The following FGF10 variants were observed in gnomAD, a reference collection of about 807,000 sequenced individuals.
FGF10 encodes fibroblast growth factor 10, also known as FGF-10.
In FGF10, 2 loss-of-function variants were observed where a neutral mutation model predicts 19.8. The observed-to-expected ratio is 0.10, with a 90% CI of 0.04 to 0.32. The LOEUF (loss-of-function observed/expected upper bound fraction) is 0.32. Ranked by LOEUF, FGF10 falls within the 10% of genes least tolerant of loss-of-function variation. FGF10 has a pLI of 1.00. For missense variants in FGF10, 191 were observed against 246.3 expected (o/e 0.78, Z 1.50); for synonymous variants, 112 against 94.0 (o/e 1.19, Z -1.10).
intron 1 of FGF10, among the ~76,000 whole-genome samples, chr5:44,359,886 T>C (rs1741435560): frequency 6.6e-6 from 1 of 151,522 alleles, no homozygotes; most frequent in South Asian, 2.1e-4. Context: ...ATCATTCTAC[T>C]TTCTACTGGA....
chr5:44,373,253 A>G (rs2111891165), intron 1 of FGF10, among the ~76,000 whole-genome samples: 1 of 152,220 alleles, frequency 6.6e-6, no homozygotes, highest in Admixed American at 6.5e-5. Context: ...CATCCATCAC[A>G]TGTTTCATTT....
At position 44,334,308 on chromosome 5, in the gene FGF10, C is replaced by T. The variant is rs77780041; in HGVS notation, c.326-23778G>A. ...AGTAAGAATCCATTTTAAAATACTGCTTCTTCTCATTCTTTCATAGAATAT... is the reference window on the plus strand; with the variant it reads ...AGTAAGAATCCATTTTAAAATACTGTTTCTTCTCATTCTTTCATAGAATAT... On this transcript the variant is annotated intron_variant, in intron 1 of 2. Coordinates refer to ENST00000264664, the MANE Select transcript of FGF10 (RefSeq NM_004465.2). 5.9e-4 allele frequency among the ~76,000 whole-genome samples: 90 copies of T among 152,128 alleles called. 2 individuals carry two copies. In the East Asian group the frequency reaches 0.017, roughly 29 times the overall value.
At chr5:44,383,159 A>G (rs907167103) in intron 1 of FGF10, among the ~76,000 whole-genome samples, 3 of 151,994 alleles carry the variant, frequency 2.0e-5, no homozygotes, top group African/African-American at 7.2e-5. Flanking sequence ...TTTTTTCAAC[A>G]TTTTGGCTTG....
At chr5:44,352,401 T>C (rs1018045142) in intron 1 of FGF10, among the ~76,000 whole-genome samples, 1 of 151,512 alleles carries the variant, frequency 6.6e-6, no homozygotes, top group African/African-American at 2.4e-5. Flanking sequence ...AGGGCCAGGG[T>C]ACAAGCCTAG....
At chr5:44,360,091 A>C (rs1018769592) in intron 1 of FGF10, among the ~76,000 whole-genome samples, 2 of 151,628 alleles carry the variant, frequency 1.3e-5, no homozygotes, top group Non-Finnish European at 3.0e-5. Flanking sequence ...ACCAGTATTC[A>C]TTCAATGCTT....
intron 1 of FGF10, among the ~76,000 whole-genome samples, chr5:44,332,873 A>G (rs1339581778): frequency 6.6e-6 from 1 of 152,026 alleles, no homozygotes; most frequent in Non-Finnish European, 1.5e-5. Flanking sequence ...GGAGGAGGAG[A>G]GAAAAGGGCA....
chr5:44,384,932 C>T (rs1742065148), intron 1 of FGF10, among the ~76,000 whole-genome samples: 2 of 151,994 alleles, frequency 1.3e-5, no homozygotes, highest in Admixed American at 6.5e-5. Context: ...CTACAAATGA[C>T]AACCATGGGA....
At chr5:44,331,228 A>C (rs1226279374) in intron 1 of FGF10, among the ~76,000 whole-genome samples, 1 of 151,994 alleles carries the variant, frequency 6.6e-6, no homozygotes, top group Admixed American at 6.6e-5. Context: ...ATTTTTGTGC[A>C]CTTATTTTAG....
chr5:44,336,302 T>A (rs1412169776), intron 1 of FGF10, among the ~76,000 whole-genome samples: 1 of 152,172 alleles, frequency 6.6e-6, no homozygotes, highest in Admixed American at 6.5e-5. Flanking sequence ...TACTGGTGTT[T>A]TTCAAAATTT....
intron 1 of FGF10, among the ~76,000 whole-genome samples, chr5:44,381,513 G>C (rs910563900): frequency 2.6e-5 from 4 of 151,754 alleles, no homozygotes; most frequent in African/African-American, 9.7e-5. Context: ...GAAAATAATG[G>C]AGTGAGGAAG....
intron 1 of FGF10, among the ~76,000 whole-genome samples, chr5:44,358,676 C>T (rs75629618): frequency 0.012 from 1,852 of 151,476 alleles, 75 homozygotes; most frequent in East Asian, 0.1. Flanking sequence ...AATCCACAGC[C>T]CAGGCTGTAC....
chr5:44,349,491 A>AAT (rs200499069), intron 1 of FGF10, among the ~76,000 whole-genome samples: 3,572 of 34,114 alleles, frequency 0.1, 208 homozygotes, highest in Admixed American at 0.14. Flanking sequence ...TATATATCAG[A>AAT]ATATATATAT....
intron 1 of FGF10, among the ~76,000 whole-genome samples, chr5:44,344,368 A>G (rs1239176941): frequency 6.6e-6 from 1 of 150,930 alleles, no homozygotes; most frequent in Non-Finnish European, 1.5e-5. Context: ...CATTTTAAGC[A>G]ATTGTATTTG....
chr5:44,343,883 CA>C (rs1168909600), intron 1 of FGF10, among the ~76,000 whole-genome samples: 2 of 151,586 alleles, frequency 1.3e-5, no homozygotes, highest in Non-Finnish European at 2.9e-5. Flanking sequence ...AGTCAATTTG[CA>C]GGAAAAGAAT....
At chr5:44,313,088 C>A (rs1740250278) in intron 1 of FGF10, among the ~76,000 whole-genome samples, 1 of 151,852 alleles carries the variant, frequency 6.6e-6, no homozygotes, top group African/African-American at 2.4e-5. Context: ...AAAGGTTTAG[C>A]TATTATTTTT....
At chr5:44,379,189 T>C (rs1029612617) in intron 1 of FGF10, among the ~76,000 whole-genome samples, 2 of 152,224 alleles carry the variant, frequency 1.3e-5, no homozygotes, top group Admixed American at 1.3e-4. Context: ...TTGATAACAC[T>C]CACTTCAATT....
At chr5:44,342,432 A>G (rs1311200296) in intron 1 of FGF10, among the ~76,000 whole-genome samples, 1 of 151,980 alleles carries the variant, frequency 6.6e-6, no homozygotes, top group African/African-American at 2.4e-5. Flanking sequence ...AAGTTTCTGA[A>G]TAAATTGTAT....
At chr5:44,311,204 A>G (rs1027263230) in intron 1 of FGF10, among the ~76,000 whole-genome samples, 2 of 152,000 alleles carry the variant, frequency 1.3e-5, no homozygotes, top group Non-Finnish European at 2.9e-5. Flanking sequence ...AAAAATGGAA[A>G]ATCGAGGGAA....
chr5:44,384,374 G>GTA (rs1742052607), intron 1 of FGF10, among the ~76,000 whole-genome samples: 1 of 152,062 alleles, frequency 6.6e-6, no homozygotes, highest in African/African-American at 2.4e-5. Flanking sequence ...CACTAACCTT[G>GTA]TCTGATATCA....
Sources: allele counts gnomAD v4.1 joint callset (sites outside exome capture counted in the v4.1 genomes callset), GRCh38; gene constraint gnomAD v4.1.1; transcripts MANE v1.5; gene names NCBI Gene and HGNC (gene_info 2026-07-23, HGNC 2026-07-21).